The following SCN1A variants were observed in gnomAD, a reference collection of about 807,000 sequenced individuals.
SCN1A encodes sodium channel protein type 1 subunit alpha.
A neutral mutation model predicts 193.7 loss-of-function variants in SCN1A; 13 were observed. The ratio of observed to expected loss-of-function variants is 0.07; its 90% CI spans 0.04 to 0.11. The LOEUF (loss-of-function observed/expected upper bound fraction) is 0.11, where lower values mean the gene tolerates loss of function less well. SCN1A is among the 10% of genes least tolerant of loss of function. SCN1A has a pLI of 1.00. For synonymous variants in SCN1A, 781 were observed against 843.6 expected, an observed-to-expected ratio of 0.93 and a Z score of 1.29; for missense variants, 1,432 against 2,451.1, an observed-to-expected ratio of 0.58 and a Z score of 8.78.
intron 12 of SCN1A, 28 bp downstream of exon 12, chr2:166,046,742 T>A (rs1697869174): frequency 6.2e-7 from 1 of 1,606,018 alleles, no homozygotes; most frequent in Non-Finnish European, 8.5e-7. Flanking sequence ...CGATAAAAGG[T>A]CAGTGCCATG....
At chr2:166,126,637 A>C (rs557186256) in intron 2 of SCN1A, among the ~76,000 whole-genome samples, 103 of 152,332 alleles carry the variant, frequency 6.8e-4, no homozygotes, top group African/African-American at 2.4e-3. Context: ...CATCAGAAAT[A>C]CCACGTGAAC....
At chr2:166,040,179 A>C (rs1373891082) in intron 16 of SCN1A, among the ~76,000 whole-genome samples, 3 of 152,122 alleles carry the variant, frequency 2.0e-5, no homozygotes, top group Non-Finnish European at 2.9e-5. Flanking sequence ...CGGCCTCCCA[A>C]AGTGCTGGGA....
At chr2:166,082,827 T>A (rs1257747913) in intron 2 of SCN1A, among the ~76,000 whole-genome samples, 2 of 152,098 alleles carry the variant, frequency 1.3e-5, no homozygotes, top group Non-Finnish European at 2.9e-5. Flanking sequence ...AGAAAAATTA[T>A]ATATCTTCAA....
intron 9 of SCN1A, among the ~76,000 whole-genome samples, chr2:166,050,325 A>T (rs1453564814): frequency 6.6e-6 from 1 of 151,536 alleles, no homozygotes; most frequent in Non-Finnish European, 1.5e-5. Context: ...GAACCATTTT[A>T]TTTATATTTG....
chr2:166,084,544 T>C (rs913234329), intron 2 of SCN1A, among the ~76,000 whole-genome samples: 2 of 152,004 alleles, frequency 1.3e-5, no homozygotes, highest in African/African-American at 4.8e-5. Flanking sequence ...GGGGCAATAA[T>C]GGGAGAAAAA....
rs1287348310 is a variant in SCN1A at position 166,133,156 on chromosome 2, G to A, written c.-50+15891C>T. 3.9e-5 allele frequency among the ~76,000 whole-genome samples: 6 copies of A among 152,218 alleles called. No homozygotes were observed. The East Asian group carries it at 9.6e-4, about 24-fold the overall frequency. On this transcript the variant is annotated intron_variant, in intron 1 of 26. Transcript: ENST00000635750. ...ACTCACCACAATGCAGTAATTAAAA[G>A]CAAAAGAGAAAGGAGGGAAGTTGTG...
At chr2:166,044,966 G>C (rs1302353460) in intron 13 of SCN1A, 77 bp downstream of exon 13, 2 of 1,485,096 alleles carry the variant, frequency 1.3e-6, no homozygotes, top group African/African-American at 2.8e-5. Flanking sequence ...AAATTCCTGA[G>C]TCCATTTTCT....
chr2:165,994,068 A>C (rs1689658118), intron 28 of SCN1A, 78 bp downstream of exon 28: 4 of 1,119,194 alleles, frequency 3.6e-6, no homozygotes, highest in Non-Finnish European at 5.2e-6. Context: ...GATTGCTGGG[A>C]TGATCTTGAA....
intron 2 of SCN1A, among the ~76,000 whole-genome samples, chr2:166,115,055 A>C (rs1244996760): frequency 1.3e-5 from 2 of 152,124 alleles, no homozygotes; most frequent in Non-Finnish European, 2.9e-5. Context: ...AATTAGACTC[A>C]AGCAAAGACC....
intron 1 of SCN1A, among the ~76,000 whole-genome samples, chr2:166,147,378 A>G (rs1311916670): frequency 1.3e-5 from 2 of 152,230 alleles, no homozygotes; most frequent in African/African-American, 4.8e-5. Flanking sequence ...AACCTCATTT[A>G]ATTCAAATTC....
intron 2 of SCN1A, among the ~76,000 whole-genome samples, chr2:166,099,514 CA>C (rs1687791037): frequency 7.1e-6 from 1 of 140,784 alleles, no homozygotes; most frequent in Non-Finnish European, 1.5e-5. Context: ...CTGGCCAGGG[CA>C]ATTAGGCAGG....
chr2:166,107,189 G>A lies in SCN1A; in HGVS notation c.-142+19735C>T, dbSNP rs78504905. On this transcript the variant is annotated intron_variant, in intron 2 of 28. Transcript: ENST00000674923. ...CTGAAACAAAAAGCAAGTAATCTTC[G>A]AATTCACATAAGCATTTATCTGCAA... Among the ~76,000 whole-genome samples the A allele has an allele frequency of 6.1e-3, 930 of 152,162 alleles. 8 individuals are homozygous for A. Among genetic ancestry groups the A allele is most frequent in the African/African-American group, 0.021 (886 of 41,482 alleles).
chr2:166,044,170 C>A, intron 13 of SCN1A, 121 bp from the exon 14 acceptor site: 1 of 1,115,574 alleles, frequency 9.0e-7, no homozygotes, highest in Non-Finnish European at 1.3e-6. Context: ...TGGTTCATTC[C>A]TTTTGATTAT....
In SCN1A at chr2:165,991,131, G is replaced by T. The variant is rs1406470588; in HGVS notation, c.*114C>A. ...GTAGGCACTGACCTTAAGGAGATTT[G>T]TGTAAAAACAGTCAGTTTGGCATTG... On this transcript the variant is annotated 3_prime_UTR_variant, in exon 29 of 29. Transcript: ENST00000674923. 3 of 908,740 alleles carry T rather than the reference G, an allele frequency of 3.3e-6. No homozygotes were observed. The highest frequency in any genetic ancestry group is 1.7e-5 in the African/African-American group (1 of 60,034). 56.3% of individuals were successfully genotyped at this position (908,740 alleles called of 1,614,324 possible).
At chr2:166,133,577 A>G (rs1691743403) in intron 1 of SCN1A, among the ~76,000 whole-genome samples, 1 of 152,172 alleles carries the variant, frequency 6.6e-6, no homozygotes, top group South Asian at 2.1e-4. Flanking sequence ...CACCAACTGA[A>G]CAGCACTTCA....
chr2:166,139,038 A>T (rs1691976835), intron 1 of SCN1A, among the ~76,000 whole-genome samples: 1 of 152,116 alleles, frequency 6.6e-6, no homozygotes, highest in Admixed American at 6.5e-5. Flanking sequence ...TGTTTTGGCC[A>T]ATTTCTCCCA....
chr2:166,014,991 T>G (rs888044283), intron 20 of SCN1A, among the ~76,000 whole-genome samples: 10 of 151,752 alleles, frequency 6.6e-5, no homozygotes, highest in African/African-American at 2.4e-4. Flanking sequence ...GAAGGTATAC[T>G]AGGCCTATGA....
In SCN1A at chr2:165,987,756, A is replaced by G. The variant is rs936987233; in HGVS notation, c.*3489T>C. On this transcript the variant is annotated 3_prime_UTR_variant, in exon 29 of 29. Transcript: ENST00000674923. ...TTTTAGCACAGAAAATATCATGCCAAATATTTCAAAATGAATATGGAGATT... is the reference window on the plus strand; with the variant it reads ...TTTTAGCACAGAAAATATCATGCCAGATATTTCAAAATGAATATGGAGATT... 2.0e-5 allele frequency: 3 copies of G among 152,160 alleles called. No homozygotes were observed. Among genetic ancestry groups the G allele is most frequent in the Non-Finnish European group, 4.4e-5 (3 of 68,028 alleles). 9.4% of individuals were successfully genotyped at this position (152,160 alleles called of 1,614,324 possible).
chr2:165,991,662 A>T lies in SCN1A; in HGVS notation c.5613T>A (p.Phe1871Leu), dbSNP rs1354992113. ...RIHCLDILFA[F>L]TKRVLGESGE... ...CACTCTCTCCTAGAACCCGCTTTGT[A>T]AAAGCAAATAAGATATCAAGACAGT... The change falls in exon 29 of 29, where the codon TTT becomes TTA. Residue 1871 changes from phenylalanine to leucine, a missense_variant. By Grantham distance (22) the Phe-to-Leu change is conservative (BLOSUM62 0). Transcript: ENST00000674923. 6.2e-7 allele frequency: 1 copy of T among 1,613,812 alleles called. No individual in the cohort carries two copies. Among genetic ancestry groups the T allele is most frequent in the Non-Finnish European group, 8.5e-7 (1 of 1,179,920 alleles).
Sources: allele counts gnomAD v4.1 joint callset (sites outside exome capture counted in the v4.1 genomes callset), GRCh38; gene constraint gnomAD v4.1.1; transcripts MANE v1.5; gene names NCBI Gene and HGNC (gene_info 2026-07-23, HGNC 2026-07-21).